LIMCH1: variants seen among roughly 807,000 people sequenced by gnomAD.
LIMCH1 encodes LIM and calponin homology domains-containing protein 1.
Under a neutral mutation model 176.5 loss-of-function variants are expected in LIMCH1, and 113 were observed. That is an observed-to-expected ratio of 0.64 (90% CI 0.55 to 0.75). The LOEUF is 0.75. LIMCH1 is among the 30% of genes least tolerant of loss of function. The pLI is 0.00. For synonymous variants in LIMCH1, 619 were observed against 645.9 expected, an observed-to-expected ratio of 0.96 and a Z score of 0.63; for missense variants, 1,674 against 1,814.9, an observed-to-expected ratio of 0.92 and a Z score of 1.41.
intron 2 of LIMCH1, among the ~76,000 whole-genome samples, chr4:41,600,671 A>T (rs1432160964): frequency 1.3e-5 from 2 of 152,156 alleles, no homozygotes; most frequent in East Asian, 3.8e-4. Context: ...GCCCTGGTTA[A>T]GCTCCCTTCT....
At chr4:41,433,019 C>G (rs1481742923) in intron 1 of LIMCH1, among the ~76,000 whole-genome samples, 1 of 152,162 alleles carries the variant, frequency 6.6e-6, no homozygotes, top group East Asian at 1.9e-4. Context: ...TCACTGATGT[C>G]AAAAGACTTT....
At chr4:41,541,469 T>G (rs1417163620) in intron 1 of LIMCH1, among the ~76,000 whole-genome samples, 2 of 152,214 alleles carry the variant, frequency 1.3e-5, no homozygotes, top group African/African-American at 4.8e-5. Flanking sequence ...CTGTGAAACA[T>G]TCTATTTTAA....
At chr4:41,664,028 A>G (rs146309775) in intron 20 of LIMCH1, among the ~76,000 whole-genome samples, 27 of 152,192 alleles carry the variant, frequency 1.8e-4, no homozygotes, top group African/African-American at 6.5e-4. Flanking sequence ...CGACACAGCT[A>G]GACCCCATCT....
intron 22 of LIMCH1, 141 bp downstream of exon 22, chr4:41,671,735 G>T: frequency 1.6e-6 from 1 of 628,802 alleles, no homozygotes; most frequent in Non-Finnish European, 2.9e-6. Context: ...GGGTGAGGCG[G>T]GTGGATCACG....
chr4:41,697,123 T>A (rs1459839767), intron 31 of LIMCH1, 37 bp from the exon 32 acceptor site: 1 of 1,612,072 alleles, frequency 6.2e-7, no homozygotes. Context: ...AAATGTTGCC[T>A]ACCACTCTTG....
chr4:41,373,523 G>T (rs956157833), intron 1 of LIMCH1, among the ~76,000 whole-genome samples: 6 of 152,200 alleles, frequency 3.9e-5, no homozygotes, highest in African/African-American at 1.2e-4. Flanking sequence ...CCTGACAAAA[G>T]AATAGAAACA....
At chr4:41,640,003 T>G (rs1482873844) in intron 14 of LIMCH1, among the ~76,000 whole-genome samples, 1 of 152,150 alleles carries the variant, frequency 6.6e-6, no homozygotes, top group Non-Finnish European at 1.5e-5. Context: ...GGCAAAAAAT[T>G]AAGTGTCTTC....
Position 41,666,639 on chromosome 4 carries a change from C to A in LIMCH1, c.3370C>A (p.Leu1124Ile). The A allele has an allele frequency of 1.2e-6, 2 of 1,613,284 alleles. No individual in the cohort carries two copies. The highest frequency in any genetic ancestry group is 1.7e-6 in the Non-Finnish European group (2 of 1,179,248). Reference sequence around the variant, plus strand: ...GGACAAAATGCCTGAAGCCAACCAACTACATTTGCCAAATCTCAATTCTCA... The same window carrying A: ...GGACAAAATGCCTGAAGCCAACCAAATACATTTGCCAAATCTCAATTCTCA... ...FLDKMPEANQ[L>I]HLPNLNSQVD... The change falls in exon 21 of 32, where the codon CTA becomes ATA. Residue 1124 changes from leucine (L) to isoleucine (I), a missense_variant. By Grantham distance (5) the Leu-to-Ile change is conservative. Around this residue, in one of 3 missense-constraint regions of LIMCH1, gnomAD observed 1,015 missense variants for 1,102.5 expected, o/e 0.92. Transcript: ENST00000503057.
chr4:41,388,768 G>A (rs1158274637), intron 1 of LIMCH1, among the ~76,000 whole-genome samples: 1 of 152,000 alleles, frequency 6.6e-6, no homozygotes, highest in African/African-American at 2.4e-5. Context: ...TCAGCTTCCC[G>A]AGTAGCTGGG....
chr4:41,400,513 G>C (rs1472814021), intron 1 of LIMCH1, among the ~76,000 whole-genome samples: 1 of 152,158 alleles, frequency 6.6e-6, no homozygotes, highest in South Asian at 2.1e-4. Context: ...GGAATGTAGG[G>C]AATTTTTCTG....
chr4:41,666,140 A>T (rs1383848753), intron 20 of LIMCH1, among the ~76,000 whole-genome samples: 4 of 152,250 alleles, frequency 2.6e-5, no homozygotes, highest in African/African-American at 9.6e-5. Context: ...ATACTACTTT[A>T]ATGTTTAGCA....
intron 2 of LIMCH1, among the ~76,000 whole-genome samples, chr4:41,496,161 TC>T (rs1343050228): frequency 6.6e-6 from 1 of 152,240 alleles, no homozygotes; most frequent in East Asian, 1.9e-4. Context: ...CCATGTTGGT[TC>T]AATTGAAGTG....
chr4:41,460,476 A>ATATATATCTATC (rs965621988), intron 1 of LIMCH1, among the ~76,000 whole-genome samples: 1 of 142,666 alleles, frequency 7.0e-6, no homozygotes, highest in African/African-American at 2.7e-5. Flanking sequence ...ATATATATAT[A>ATATATATCTATC]TATCTTATAA....
chr4:41,634,940 G>T (rs1247097792), intron 13 of LIMCH1, among the ~76,000 whole-genome samples: 1 of 152,122 alleles, frequency 6.6e-6, no homozygotes, highest in Non-Finnish European at 1.5e-5. Context: ...TGGATCCGCG[G>T]GCTTCTGTAA....
chr4:41,449,596 G>A (rs926024975), intron 1 of LIMCH1, among the ~76,000 whole-genome samples: 10 of 151,912 alleles, frequency 6.6e-5, no homozygotes, highest in Non-Finnish European at 1.3e-4. Context: ...GCACTTTCCC[G>A]CATGTCTTCC....
intron 16 of LIMCH1, 89 bp from the exon 17 acceptor site, chr4:41,646,394 CTA>C: frequency 6.6e-7 from 1 of 1,514,660 alleles, no homozygotes; most frequent in Non-Finnish European, 8.9e-7. Context: ...ATTCCCTGTA[CTA>C]TCTCTTCAGT....
At chr4:41,535,863 GC>G (rs1297108712), upstream of LIMCH1, among the ~76,000 whole-genome samples, 1 of 152,020 alleles carries the variant, frequency 6.6e-6, no homozygotes, top group Admixed American at 6.5e-5. Flanking sequence ...GTGCTGTAAA[GC>G]TTTTTTTTCC....
intron 1 of LIMCH1, among the ~76,000 whole-genome samples, chr4:41,471,521 T>C (rs62411132): frequency 0.11 from 16,536 of 152,216 alleles, 986 homozygotes; most frequent in African/African-American, 0.15. Flanking sequence ...ATGGCACCGA[T>C]GAGGCTCTTG....
At chr4:41,664,832 C>T (rs886122964) in intron 20 of LIMCH1, among the ~76,000 whole-genome samples, 14 of 152,224 alleles carry the variant, frequency 9.2e-5, no homozygotes, top group Non-Finnish European at 1.6e-4. Context: ...TCAGTTTGTT[C>T]GTGTGTGTGT....
Sources: gnomAD v4.1 joint callset for allele counts (sites outside exome capture counted in the v4.1 genomes callset) on GRCh38, gnomAD v4.1.1 for gene constraint, gnomAD v4.1.1 regional missense constraint, MANE v1.5 for transcripts, NCBI Gene and HGNC (gene_info 2026-07-23, HGNC 2026-07-21) for gene names.